SEMA3A: variants seen among roughly 807,000 people sequenced by gnomAD.
The protein encoded by SEMA3A is semaphorin 3A, also known as semaphorin-3A.
Under a neutral mutation model 97.9 loss-of-function variants are expected in SEMA3A, and 29 were observed. The ratio of observed to expected loss-of-function variants is 0.30; its 90% CI spans 0.22 to 0.40. The LOEUF (loss-of-function observed/expected upper bound fraction) is 0.40, where lower values mean the gene tolerates loss of function less well. Ranked by LOEUF, SEMA3A falls within the 10% of genes least tolerant of loss-of-function variation. SEMA3A has a pLI of 1.00. For synonymous variants in SEMA3A, 321 were observed against 323.7 expected (o/e 0.99, Z 0.09); for missense variants, 763 against 951.3 (o/e 0.80, Z 2.60).
rs78859832 is a variant in SEMA3A, at chr7:84,307,816, T to G, written c.-168-524A>C. Among the ~76,000 whole-genome samples, 628 of 152,234 alleles carry G rather than the reference T, an allele frequency of 4.1e-3. 7 individuals are homozygous for G. Among genetic ancestry groups the G allele is most frequent in the African/African-American group, 0.015 (609 of 41,550 alleles). ...ACCAAATATTTAAAGTAAATAGAAATTTTAAACAACAGAATTTTTCAAACA... is the reference window on the plus strand; with the variant it reads ...ACCAAATATTTAAAGTAAATAGAAAGTTTAAACAACAGAATTTTTCAAACA... On this transcript the variant is annotated intron_variant, in intron 2 of 3. Transcript: ENST00000424555.
At chr7:84,295,501 A>G (rs941374045) in intron 3 of SEMA3A, among the ~76,000 whole-genome samples, 1 of 152,048 alleles carries the variant, frequency 6.6e-6, no homozygotes, top group Non-Finnish European at 1.5e-5. Context: ...GCAGGTCTCA[A>G]AATTAGGTTT....
chr7:84,356,696 T>A (rs116492951), intron 2 of SEMA3A, among the ~76,000 whole-genome samples: 2 of 151,988 alleles, frequency 1.3e-5, no homozygotes, highest in African/African-American at 2.4e-5. Context: ...ACTTGGTACA[T>A]ACTAGGAAGT....
Position 84,478,121 on chromosome 7 carries a change from C to T in SEMA3A, c.-246+14339G>A, listed in dbSNP as rs187215033. On this transcript the variant is annotated intron_variant, in intron 1 of 3. Coordinates refer to the SEMA3A transcript ENST00000424555. ...TTGAAATTTAGTGGTAAGAGAGACC[C>T]TCCCCTGCCCTCAGTTGCTCACACC... Among the ~76,000 whole-genome samples, 39 of 152,242 alleles carry T rather than the reference C, an allele frequency of 2.6e-4. No individual in the cohort carries two copies. The East Asian group carries it at 6.6e-3, about 26-fold the overall frequency.
intron 1 of SEMA3A, among the ~76,000 whole-genome samples, chr7:84,136,419 C>A (rs1796126353): frequency 6.6e-6 from 1 of 152,160 alleles, no homozygotes. Context: ...AGGTCACTAT[C>A]ATTTAAATTT....
intron 3 of SEMA3A, among the ~76,000 whole-genome samples, chr7:84,274,387 G>GAGT (rs1800239401): frequency 6.6e-6 from 1 of 152,006 alleles, no homozygotes; most frequent in Non-Finnish European, 1.5e-5. Flanking sequence ...ACAATTAAGG[G>GAGT]AGTAGAGAGA....
intron 2 of SEMA3A, among the ~76,000 whole-genome samples, chr7:84,132,674 T>A (rs868237895): frequency 8.2e-6 from 1 of 122,112 alleles, no homozygotes; most frequent in Non-Finnish European, 1.7e-5. Flanking sequence ...TTTTTTTTTT[T>A]TTTTTTTTTT....
rs1223829064 is a variant in SEMA3A, at chr7:83,958,251, G to A, written c.*3120C>T. 3.3e-5 allele frequency: 5 copies of A among 152,428 alleles called. No homozygotes were observed. Among genetic ancestry groups the A allele is most frequent in the Non-Finnish European group, 7.4e-5 (5 of 67,946 alleles). 9.4% of individuals were successfully genotyped at this position (152,428 alleles called of 1,614,324 possible). On this transcript the variant is annotated 3_prime_UTR_variant, in exon 17 of 17. Transcript: ENST00000265362. ...ATGAAGAAATCTGTTAGCTAATTAT[G>A]TAGCAACCTGACTCTGGTTCTCAAC...
intron 1 of SEMA3A, among the ~76,000 whole-genome samples, chr7:84,381,775 G>A (rs1300020125): frequency 6.6e-6 from 1 of 152,130 alleles, no homozygotes; most frequent in Non-Finnish European, 1.5e-5. Flanking sequence ...ACACGCAATA[G>A]TTTTGTCTTG....
In SEMA3A at chr7:84,100,281, C is replaced by T. The variant is rs138083412; in HGVS notation, c.453+10189G>A. ...ATCCAGGAGAAAAAAATCACTCCGA[C>T]ATAGTCCTCTAAACCAGAACTAATC... On this transcript the variant is annotated intron_variant, in intron 4 of 16. Coordinates refer to ENST00000265362, the MANE Select transcript of SEMA3A (RefSeq NM_006080.3). Among the ~76,000 whole-genome samples the T allele has an allele frequency of 2.6e-3, 403 of 152,268 alleles. 1 individual carries two copies. The highest frequency in any genetic ancestry group is 9.2e-3 in the African/African-American group (383 of 41,548).
intron 1 of SEMA3A, among the ~76,000 whole-genome samples, chr7:84,143,937 T>TAA: frequency 7.0e-6 from 1 of 142,036 alleles, no homozygotes; most frequent in Non-Finnish European, 1.5e-5. Flanking sequence ...TCTCTCTCTC[T>TAA]CTCTCTCTCT....
chr7:84,359,923 C>CAT (rs1802669097), intron 2 of SEMA3A, among the ~76,000 whole-genome samples: 1 of 150,954 alleles, frequency 6.6e-6, no homozygotes, highest in South Asian at 2.1e-4. Flanking sequence ...AGTTTATTTG[C>CAT]GTAGAGGTGT....
chr7:83,995,442 T>A (rs1305883267), intron 12 of SEMA3A, among the ~76,000 whole-genome samples: 1 of 152,172 alleles, frequency 6.6e-6, no homozygotes, highest in African/African-American at 2.4e-5. Flanking sequence ...ATTCTTAAGA[T>A]CCTAGAATCC....
Position 83,958,584 on chromosome 7 carries a change from T to A in SEMA3A, c.*2787A>T, listed in dbSNP as rs1270509024. 1 of 152,482 alleles carries A rather than the reference T, an allele frequency of 6.6e-6. No individual in the cohort carries two copies. The highest frequency in any genetic ancestry group is 2.4e-5 in the African/African-American group (1 of 41,418). 9.4% of individuals were successfully genotyped at this position (152,482 alleles called of 1,614,324 possible). On this transcript the variant is annotated 3_prime_UTR_variant, in exon 17 of 17. Coordinates refer to ENST00000265362, the MANE Select transcript of SEMA3A (RefSeq NM_006080.3). ...ACCTGCGTGGGAAAATCTTGCCTTT[T>A]AGGATGATGTTGAACACATTGAAAT...
chr7:84,283,135 T>A (rs1562885748), intron 3 of SEMA3A, among the ~76,000 whole-genome samples: 1 of 152,126 alleles, frequency 6.6e-6, no homozygotes, highest in South Asian at 2.1e-4. Context: ...TGTGTGTGTT[T>A]GGGGTTTAAA....
chr7:84,073,602 T>C (rs1042773233), intron 4 of SEMA3A, among the ~76,000 whole-genome samples: 20 of 152,048 alleles, frequency 1.3e-4, no homozygotes, highest in Non-Finnish European at 2.1e-4. Flanking sequence ...AACAATAGCA[T>C]CAAAGAGGTG....
intron 2 of SEMA3A, among the ~76,000 whole-genome samples, chr7:84,353,303 C>A (rs1206473208): frequency 6.6e-6 from 1 of 151,384 alleles, no homozygotes; most frequent in Non-Finnish European, 1.5e-5. Context: ...GGCTACTGTA[C>A]TCTCTTTATA....
chr7:84,483,378 C>A (rs1003133755), intron 1 of SEMA3A, among the ~76,000 whole-genome samples: 1 of 152,136 alleles, frequency 6.6e-6, no homozygotes, highest in Non-Finnish European at 1.5e-5. Flanking sequence ...CTGATAGTAA[C>A]CCTAATGTTG....
chr7:84,229,848 AT>A (rs1002794259), intron 3 of SEMA3A, among the ~76,000 whole-genome samples: 6 of 151,908 alleles, frequency 3.9e-5, no homozygotes, highest in Non-Finnish European at 2.9e-5. Flanking sequence ...GGAAAGAAAA[AT>A]AAAAACAATT....
At position 84,358,284 on chromosome 7, in the gene SEMA3A, T is replaced by C. The variant is rs576928218; in HGVS notation, c.-169+13540A>G. On this transcript the variant is annotated intron_variant, in intron 2 of 3. Coordinates refer to the SEMA3A transcript ENST00000424555. ...TATGGTTTCAGGTCTAACATTTAAG[T>C]CTTTAATCCATCTTGAATTAATTTT... Among the ~76,000 whole-genome samples, 4 of 152,316 alleles carry C rather than the reference T, an allele frequency of 2.6e-5. No homozygotes were observed. In the East Asian group the frequency reaches 7.7e-4, roughly 29 times the overall value.
Sources: allele counts gnomAD v4.1 joint callset (sites outside exome capture counted in the v4.1 genomes callset), GRCh38; gene constraint gnomAD v4.1.1; transcripts MANE v1.5; gene names NCBI Gene and HGNC (gene_info 2026-07-23, HGNC 2026-07-21).